Variants in PRKCA observed in about 807,000 individuals in gnomAD.
The protein encoded by PRKCA is protein kinase C alpha, also known as protein kinase C alpha type.
In PRKCA, 27 loss-of-function variants were observed where a neutral mutation model predicts 87.0. That is an observed-to-expected ratio of 0.31 (90% CI 0.23 to 0.43). The LOEUF (loss-of-function observed/expected upper bound fraction) is 0.43. PRKCA is among the 20% of genes least tolerant of loss of function. The probability of loss-of-function intolerance (pLI) is 1.00; values close to 1 mark genes in which losing one functional copy is unlikely to be tolerated. For synonymous variants in PRKCA, 329 were observed against 311.1 expected, an observed-to-expected ratio of 1.06 and a Z score of -0.61; for missense variants, 518 against 852.3, an observed-to-expected ratio of 0.61 and a Z score of 4.88.
rs367669341 is a variant in PRKCA, at chr17:66,418,639, A to G, written c.206-77562A>G. Among the ~76,000 whole-genome samples the G allele has an allele frequency of 2.0e-5, 3 of 151,980 alleles. No individual in the cohort carries two copies. In the East Asian group the frequency reaches 5.8e-4, roughly 29 times the overall value. ...TTTAGTAGAGACGGGGTTTCACCAT[A>G]TTGGCCAGGGTGGCCTCGATCTCCT... On this transcript the variant is annotated intron_variant, in intron 2 of 16. Transcript: ENST00000413366.
At chr17:66,305,803 C>T (rs1904783677) in intron 1 of PRKCA, among the ~76,000 whole-genome samples, 1 of 152,144 alleles carries the variant, frequency 6.6e-6, no homozygotes, top group African/African-American at 2.4e-5. Flanking sequence ...TTTGAATATA[C>T]AGTCATGTTC....
At chr17:66,397,071 T>C (rs1910730899) in intron 2 of PRKCA, among the ~76,000 whole-genome samples, 1 of 144,080 alleles carries the variant, frequency 6.9e-6, no homozygotes, top group Non-Finnish European at 1.5e-5. Flanking sequence ...GTTCAAGCGA[T>C]TCTCCTGCCT....
At position 66,809,396 on chromosome 17, in the gene PRKCA, CTT is replaced by C. The variant is rs1228047606; in HGVS notation, c.*5363_*5364del. 1 of 152,612 alleles carries C rather than the reference CTT, an allele frequency of 6.6e-6. No individual in the cohort carries two copies. Among genetic ancestry groups the C allele is most frequent in the Non-Finnish European group, 1.5e-5 (1 of 68,038 alleles). 9.5% of individuals were successfully genotyped at this position (152,612 alleles called of 1,614,324 possible). A position where few individuals can be genotyped will look rare whatever the true frequency, so the allele number is the denominator to read the frequency against. On this transcript the variant is annotated 3_prime_UTR_variant, in exon 17 of 17. Coordinates refer to ENST00000413366, the MANE Select transcript of PRKCA (RefSeq NM_002737.3). The stretch of plus-strand genomic sequence containing the variant: ...CACAAAAGCCCCCAAATTCCAAAGA[CTT>C]TTTCTTAACCTAAAGGAAGAAATTA...
chr17:66,327,789 AAT>A (rs1906075976), intron 2 of PRKCA, among the ~76,000 whole-genome samples: 1 of 152,164 alleles, frequency 6.6e-6, no homozygotes, highest in Non-Finnish European at 1.5e-5. Context: ...TGAGGTCTGA[AAT>A]TTTAGGTGAC....
At chr17:66,448,467 G>A (rs992190659) in intron 2 of PRKCA, among the ~76,000 whole-genome samples, 9 of 152,158 alleles carry the variant, frequency 5.9e-5, no homozygotes, top group African/African-American at 1.2e-4. Flanking sequence ...ACTGCTATGC[G>A]TAATGAGGGT....
chr17:66,566,567 A>G (rs1226901208), intron 3 of PRKCA, among the ~76,000 whole-genome samples: 1 of 135,384 alleles, frequency 7.4e-6, no homozygotes, highest in Non-Finnish European at 1.5e-5. Flanking sequence ...ATTTGATGGG[A>G]CTTAGATCCA....
chr17:66,758,693 G>A (rs1568017024), intron 13 of PRKCA, among the ~76,000 whole-genome samples: 1 of 152,146 alleles, frequency 6.6e-6, no homozygotes, highest in Non-Finnish European at 1.5e-5. Flanking sequence ...CCTTAGCTCA[G>A]GAGAGCACCC....
rs553940471 is a variant in PRKCA at position 66,654,278 on chromosome 17, C to T, written c.529+8767C>T. 2.4e-4 allele frequency among the ~76,000 whole-genome samples: 37 copies of T among 152,332 alleles called. No homozygotes were observed. In the South Asian group the frequency reaches 6.0e-3, roughly 25 times the overall value. ...GGACATGAAGGGCAAACCAGAGAAG[C>T]TCCGGGTGTTTCTTGAATGCTTAGA... On this transcript the variant is annotated intron_variant, in intron 5 of 16. Coordinates refer to ENST00000413366, the MANE Select transcript of PRKCA (RefSeq NM_002737.3).
intron 2 of PRKCA, among the ~76,000 whole-genome samples, chr17:66,386,110 A>G (rs892080130): frequency 1.3e-5 from 2 of 152,328 alleles, no homozygotes; most frequent in Non-Finnish European, 2.9e-5. Flanking sequence ...TTCATTTTGC[A>G]GATGTAACCG....
chr17:66,609,406 G>A lies in PRKCA; in HGVS notation c.289-31949G>A, dbSNP rs904168159. On this transcript the variant is annotated intron_variant, in intron 3 of 16. Transcript: ENST00000413366. ...GTAATGCGTGTCTATATGAAGCAGT[G>A]TCTATTGAGCAAACCGGAGAGACCA... Among the ~76,000 whole-genome samples, 97 of 152,284 alleles carry A rather than the reference G, an allele frequency of 6.4e-4. 2 individuals carry two copies. Among genetic ancestry groups the A allele is most frequent in the Non-Finnish European group, 1.6e-4 (11 of 68,026 alleles).
intron 2 of PRKCA, among the ~76,000 whole-genome samples, chr17:66,460,722 C>A (rs1328737812): frequency 6.6e-6 from 1 of 152,156 alleles, no homozygotes; most frequent in African/African-American, 2.4e-5. Context: ...GTCTCCTTTG[C>A]TGTGGAAGCA....
intron 3 of PRKCA, among the ~76,000 whole-genome samples, chr17:66,618,282 G>A (rs1206693732): frequency 6.6e-6 from 1 of 151,526 alleles, no homozygotes; most frequent in African/African-American, 2.4e-5. Context: ...TTGAACCCAG[G>A]AGGCAGAGGT....
chr17:66,777,145 G>A, intron 14 of PRKCA: 1 of 872,184 alleles, frequency 1.1e-6, no homozygotes, highest in Non-Finnish European at 1.4e-6. Context: ...CATTCCTGGT[G>A]GGTAGGGGGA....
At chr17:66,800,093 A>C (rs773099709) in intron 16 of PRKCA, among the ~76,000 whole-genome samples, 17 of 152,194 alleles carry the variant, frequency 1.1e-4, no homozygotes, top group Non-Finnish European at 2.1e-4. Flanking sequence ...ATGTGGCTGA[A>C]CTTCAGTGGT....
intron 2 of PRKCA, among the ~76,000 whole-genome samples, chr17:66,420,372 A>G (rs1013850554): frequency 6.6e-6 from 1 of 152,146 alleles, no homozygotes; most frequent in Non-Finnish European, 1.5e-5. Flanking sequence ...AAGAGTCAGA[A>G]CTAATACAGA....
At chr17:66,340,913 G>T (rs1451564426) in intron 2 of PRKCA, among the ~76,000 whole-genome samples, 3 of 152,202 alleles carry the variant, frequency 2.0e-5, no homozygotes, top group South Asian at 2.1e-4. Context: ...CAAAAGCTGC[G>T]AGTGCCAGGA....
chr17:66,343,572 G>T (rs749066952), intron 2 of PRKCA, among the ~76,000 whole-genome samples: 19 of 152,186 alleles, frequency 1.2e-4, no homozygotes, highest in Non-Finnish European at 2.5e-4. Context: ...AGACTGGAGT[G>T]AGTGAGACTA....
intron 2 of PRKCA, among the ~76,000 whole-genome samples, chr17:66,358,100 G>A (rs1908169334): frequency 2.0e-5 from 3 of 152,000 alleles, no homozygotes; most frequent in South Asian, 2.1e-4. Flanking sequence ...AGTTCAATAA[G>A]TACTTGTTTG....
chr17:66,458,419 A>G (rs1032441607), intron 2 of PRKCA, among the ~76,000 whole-genome samples: 2 of 152,146 alleles, frequency 1.3e-5, no homozygotes, highest in Non-Finnish European at 2.9e-5. Flanking sequence ...CCAGTAGAAT[A>G]TGCAACACTG....
Sources: allele counts gnomAD v4.1 joint callset (sites outside exome capture counted in the v4.1 genomes callset), GRCh38; gene constraint gnomAD v4.1.1; transcripts MANE v1.5; gene names NCBI Gene and HGNC (gene_info 2026-07-23, HGNC 2026-07-21).